Variants in MAP3K21 observed in about 807,000 individuals in gnomAD.
MAP3K21 encodes mitogen-activated protein kinase kinase kinase 21, also known as mitogen-activated protein kinase kinase kinase MLK4.
MAP3K21 carries 63 observed loss-of-function variants against 86.1 expected under a neutral mutation model. The ratio of observed to expected loss-of-function variants is 0.73; its 90% CI spans 0.60 to 0.90. MAP3K21 has a LOEUF of 0.90. Ranked by LOEUF, MAP3K21 falls within the 40% of genes least tolerant of loss-of-function variation. MAP3K21 has a pLI of 0.00. For missense variants in MAP3K21, 1,220 were observed against 1,367.7 expected, an observed-to-expected ratio of 0.89 and a Z score of 1.70; for synonymous variants, 558 against 564.8, an observed-to-expected ratio of 0.99 and a Z score of 0.17.
At chr1:233,346,341 T>G in intron 1 of MAP3K21, 101 bp from the exon 2 acceptor site, 1 of 873,386 alleles carries the variant, frequency 1.1e-6, no homozygotes, top group South Asian at 1.8e-5. Flanking sequence ...TCTTGTTTAT[T>G]CTGCCAACTA....
chr1:233,331,824 A>G (rs1434092357), intron 1 of MAP3K21, among the ~76,000 whole-genome samples: 5 of 152,226 alleles, frequency 3.3e-5, no homozygotes, highest in Admixed American at 6.5e-5. Flanking sequence ...TCTAGATAAT[A>G]GCTGATATGT....
rs79879742 is a variant in MAP3K21, at chr1:233,362,692, G to A, written c.1552+399G>A. ...ATCATTACGTTCATTGCTTCCACAA[G>A]GATCTAGGATGTCATCTGGTATCTG... On this transcript the variant is annotated intron_variant, in intron 5 of 9. Transcript: ENST00000366624. Among the ~76,000 whole-genome samples the A allele has an allele frequency of 8.6e-3, 1,306 of 152,092 alleles. 12 individuals are homozygous for A. The highest frequency in any genetic ancestry group is 0.03 in the African/African-American group (1,231 of 41,472).
intron 5 of MAP3K21, among the ~76,000 whole-genome samples, chr1:233,370,529 A>G (rs1019621979): frequency 6.6e-6 from 1 of 152,234 alleles, no homozygotes; most frequent in African/African-American, 2.4e-5. Flanking sequence ...ATAATTGGAT[A>G]GCTGTCCTTG....
At chr1:233,375,005 G>A (rs530829214) in intron 6 of MAP3K21, among the ~76,000 whole-genome samples, 1 of 151,618 alleles carries the variant, frequency 6.6e-6, no homozygotes, top group Non-Finnish European at 1.5e-5. Flanking sequence ...GTAGTGGCGC[G>A]ATCTCGGATC....
intron 1 of MAP3K21, among the ~76,000 whole-genome samples, chr1:233,341,220 G>A (rs1558452028): frequency 1.3e-5 from 2 of 152,188 alleles, no homozygotes; most frequent in Non-Finnish European, 2.9e-5. Flanking sequence ...AAAATCAGTG[G>A]TGACCAGCTA....
At chr1:233,341,480 A>G (rs1663039126) in intron 1 of MAP3K21, among the ~76,000 whole-genome samples, 1 of 152,110 alleles carries the variant, frequency 6.6e-6, no homozygotes, top group Non-Finnish European at 1.5e-5. Context: ...TGTGATTTGA[A>G]CTTGTTTTCC....
intron 5 of MAP3K21, among the ~76,000 whole-genome samples, chr1:233,369,399 A>G (rs555826223): frequency 9.2e-5 from 14 of 152,248 alleles, no homozygotes; most frequent in African/African-American, 2.9e-4. Flanking sequence ...CCAAAAAAAG[A>G]AGTAACATTT....
intron 2 of MAP3K21, among the ~76,000 whole-genome samples, chr1:233,349,314 A>G (rs1336050432): frequency 6.6e-6 from 1 of 152,228 alleles, no homozygotes; most frequent in African/African-American, 2.4e-5. Context: ...AAGATATTAT[A>G]CTTCAAGACT....
At chr1:233,369,427 G>A (rs16858997) in intron 5 of MAP3K21, among the ~76,000 whole-genome samples, 52,187 of 151,834 alleles carry the variant, frequency 0.34, 9,466 homozygotes, top group East Asian at 0.51. Flanking sequence ...GACGTGATAT[G>A]GGAATTTACC....
chr1:233,368,157 A>G (rs1170558456), intron 5 of MAP3K21, among the ~76,000 whole-genome samples: 1 of 152,230 alleles, frequency 6.6e-6, no homozygotes, highest in East Asian at 1.9e-4. Context: ...CTCTTGCTGT[A>G]AAAGTTCTCA....
intron 1 of MAP3K21, among the ~76,000 whole-genome samples, chr1:233,339,483 CTTCTTT>C (rs1662995569): frequency 7.2e-6 from 1 of 139,472 alleles, no homozygotes. Context: ...TCTTCTTCTT[CTTCTTT>C]TTTTTTTTTG....
At chr1:233,366,235 C>A (rs1020816111) in intron 5 of MAP3K21, among the ~76,000 whole-genome samples, 3 of 152,040 alleles carry the variant, frequency 2.0e-5, no homozygotes, top group African/African-American at 7.2e-5. Context: ...TTAATGGATA[C>A]CAAAGTACAG....
intron 1 of MAP3K21, among the ~76,000 whole-genome samples, chr1:233,337,493 A>G (rs1662940175): frequency 6.6e-6 from 1 of 152,190 alleles, no homozygotes; most frequent in South Asian, 2.1e-4. Flanking sequence ...ACTCATTGAT[A>G]CCTAAACATT....
intron 4 of MAP3K21, among the ~76,000 whole-genome samples, chr1:233,361,609 T>C (rs1663466566): frequency 6.6e-6 from 1 of 152,186 alleles, no homozygotes; most frequent in African/African-American, 2.4e-5. Context: ...TAATTATGCT[T>C]TAATTAATTG....
At chr1:233,353,511 G>C (rs1309424118) in intron 2 of MAP3K21, among the ~76,000 whole-genome samples, 1 of 152,064 alleles carries the variant, frequency 6.6e-6, no homozygotes, top group Admixed American at 6.5e-5. Flanking sequence ...ACCTGGTTCT[G>C]GACCCTGTTT....
chr1:233,371,461 A>C (rs926605975), intron 5 of MAP3K21, among the ~76,000 whole-genome samples: 4 of 152,190 alleles, frequency 2.6e-5, no homozygotes, highest in Non-Finnish European at 5.9e-5. Flanking sequence ...CCCAGGTTCA[A>C]GTGATTCTCC....
chr1:233,375,032 C>T (rs778355319), intron 6 of MAP3K21, among the ~76,000 whole-genome samples: 2 of 151,626 alleles, frequency 1.3e-5, no homozygotes, highest in Non-Finnish European at 2.9e-5. Context: ...ACTTCTGCCA[C>T]CTGGGTTCAA....
At chr1:233,330,265 C>T (rs930714779) in intron 1 of MAP3K21, among the ~76,000 whole-genome samples, 2 of 152,182 alleles carry the variant, frequency 1.3e-5, no homozygotes, top group African/African-American at 4.8e-5. Context: ...ATTTAGATTG[C>T]ATCTGCTTAG....
intron 2 of MAP3K21, among the ~76,000 whole-genome samples, chr1:233,347,410 TA>T (rs1663168028): frequency 6.6e-6 from 1 of 152,184 alleles, no homozygotes; most frequent in Admixed American, 6.5e-5. Context: ...AGAAGGATGC[TA>T]ACAATTACAA....
Sources: gnomAD v4.1 joint callset for allele counts (sites outside exome capture counted in the v4.1 genomes callset) on GRCh38, gnomAD v4.1.1 for gene constraint, MANE v1.5 for transcripts, NCBI Gene and HGNC (gene_info 2026-07-23, HGNC 2026-07-21) for gene names.